FHIP2A: variants seen among roughly 807,000 people sequenced by gnomAD.
FHIP2A encodes the protein FHF complex subunit HOOK interacting protein 2A, also known as family with sequence similarity 160 member B1.
In FHIP2A, 46 loss-of-function variants were observed where a neutral mutation model predicts 93.5. That is an observed-to-expected ratio of 0.49 (90% CI 0.39 to 0.63). The LOEUF is 0.63. Among genes scored for constraint, FHIP2A ranks in the 20% least tolerant of loss-of-function variants. The pLI is 0.00. For missense variants in FHIP2A, 769 were observed against 909.7 expected, an observed-to-expected ratio of 0.85 and a Z score of 1.99; for synonymous variants, 332 against 326.5, an observed-to-expected ratio of 1.02 and a Z score of -0.18.
Position 114,846,703 on chromosome 10 carries a change from G to A in FHIP2A, c.1543G>A (p.Glu515Lys), listed in dbSNP as rs117779504. Residue 515 changes from glutamate to lysine, a missense_variant, in exon 11 of 17, where the codon GAA (glutamate) becomes AAA (lysine). Glu to Lys is a moderately conservative substitution (Grantham distance 56). Transcript: ENST00000369248. ...PLCPEDKDVV[E>K]NGLIAGAVDL... ...GTGCCCAGAAGATAAAGATGTGGTAGAAAATGGATTGATAGCAGGAGCAGT... is the reference window on the plus strand; with the variant it reads ...GTGCCCAGAAGATAAAGATGTGGTAAAAAATGGATTGATAGCAGGAGCAGT... The A allele has an allele frequency of 2.8e-5, 45 of 1,603,372 alleles. No individual in the cohort carries two copies. Among genetic ancestry groups the A allele is most frequent in the Non-Finnish European group, 3.8e-5 (45 of 1,177,342 alleles).
chr10:114,857,938 A>G (rs1054817405), intron 14 of FHIP2A, among the ~76,000 whole-genome samples: 4 of 152,236 alleles, frequency 2.6e-5, no homozygotes, highest in Non-Finnish European at 4.4e-5. Flanking sequence ...AAGGAGGCCA[A>G]ATCTTGTCCC....
chr10:114,882,188 C>G (rs949120083), intron 16 of FHIP2A, among the ~76,000 whole-genome samples: 9 of 152,218 alleles, frequency 5.9e-5, no homozygotes, highest in African/African-American at 2.2e-4. Flanking sequence ...TGTTGCTCAC[C>G]TCCAGAAGCT....
chr10:114,892,700 A>G (rs1357837317), intron 16 of FHIP2A, among the ~76,000 whole-genome samples: 1 of 152,160 alleles, frequency 6.6e-6, no homozygotes, highest in Non-Finnish European at 1.5e-5. Context: ...TTAGGATTGA[A>G]CAAAATAAGG....
At chr10:114,871,460 G>A (rs1285219671) in intron 16 of FHIP2A, among the ~76,000 whole-genome samples, 2 of 152,092 alleles carry the variant, frequency 1.3e-5, no homozygotes, top group South Asian at 4.1e-4. Flanking sequence ...TGCAACCCCA[G>A]CCTCTTCCCT....
intron 14 of FHIP2A, among the ~76,000 whole-genome samples, chr10:114,856,055 C>G (rs1210537925): frequency 6.6e-6 from 1 of 152,156 alleles, no homozygotes; most frequent in African/African-American, 2.4e-5. Context: ...AGTGTGGAAA[C>G]TGAGTGGACC....
At chr10:114,844,631 A>G (rs566322519) in intron 7 of FHIP2A, among the ~76,000 whole-genome samples, 5 of 152,158 alleles carry the variant, frequency 3.3e-5, no homozygotes, top group African/African-American at 4.8e-5. Context: ...TCCACTCGCT[A>G]TTTCTGTTTG....
At chr10:114,894,878 G>T (rs1391777117) in intron 16 of FHIP2A, among the ~76,000 whole-genome samples, 1 of 152,120 alleles carries the variant, frequency 6.6e-6, no homozygotes, top group Non-Finnish European at 1.5e-5. Flanking sequence ...TCTTTATTTT[G>T]GAGGAGAGAG....
intron 13 of FHIP2A, among the ~76,000 whole-genome samples, chr10:114,854,101 T>A (rs2143012444): frequency 6.6e-6 from 1 of 152,256 alleles, no homozygotes; most frequent in East Asian, 1.9e-4. Flanking sequence ...ATATTCACAC[T>A]GTTTCACTGA....
rs1027527460 is a variant in FHIP2A at position 114,833,225 on chromosome 10, T to A, written c.125-8T>A. 1.3e-6 allele frequency: 2 copies of A among 1,589,310 alleles called. No individual in the cohort carries two copies. Among genetic ancestry groups the A allele is most frequent in the Admixed American group, 1.8e-5 (1 of 54,794 alleles). On this transcript the variant is annotated splice_polypyrimidine_tract_variant and splice_region_variant and intron_variant, in intron 2 of 16. Transcript: ENST00000369248. ...TTAAATATTTGATGAATGTTTTTTA[T>A]TGTTTAGATGATAAAGCCCCAGTGA... is the stretch of plus-strand genomic sequence containing the variant.
In FHIP2A at chr10:114,822,061, C is replaced by G. The variant is rs998561187; in HGVS notation, c.-18C>G. ...CTCCAGGTCGTCCCGGGAGAGGCTG[C>G]TGCAGTCCCGGGACAGGATGTTCTC... On this transcript the variant is annotated 5_prime_UTR_variant, in exon 1 of 17. Transcript: ENST00000369248. The G allele has an allele frequency of 7.7e-7, 1 of 1,301,080 alleles. No individual in the cohort carries two copies. Among genetic ancestry groups the G allele is most frequent in the East Asian group, 3.3e-5 (1 of 29,956 alleles). The allele number at this position is 1,301,080 out of a possible 1,614,324, so 80.6% of individuals were successfully genotyped here. A position where few individuals can be genotyped will look rare whatever the true frequency, so the allele number is the denominator to read the frequency against.
In FHIP2A at chr10:114,863,693, G is replaced by A. The variant is rs1234703999; in HGVS notation, c.*2153G>A. ...GAAGCTCTCACAGTGAGTTCAATTT[G>A]TTAGTGAAACATTGTACTGCATCAC... is the stretch of plus-strand genomic sequence containing the variant. On this transcript the variant is annotated 3_prime_UTR_variant, in exon 17 of 17. Coordinates refer to ENST00000369248, the MANE Select transcript of FHIP2A (RefSeq NM_020940.4). 2 of 1,302,260 alleles carry A rather than the reference G, an allele frequency of 1.5e-6. No individual in the cohort carries two copies. Among genetic ancestry groups the A allele is most frequent in the Admixed American group, 2.3e-5 (1 of 43,134 alleles). 80.7% of individuals were successfully genotyped at this position (1,302,260 alleles called of 1,614,324 possible). A position where few individuals can be genotyped will look rare whatever the true frequency, so the allele number is the denominator to read the frequency against.
At chr10:114,884,085 G>A (rs10885622) in intron 16 of FHIP2A, among the ~76,000 whole-genome samples, 62,357 of 151,896 alleles carry the variant, frequency 0.41, 12,946 homozygotes, top group South Asian at 0.48. Flanking sequence ...CTGAAATTGC[G>A]GTGGGGGTTC....
intron 16 of FHIP2A, among the ~76,000 whole-genome samples, chr10:114,886,894 G>A (rs1044655492): frequency 6.6e-6 from 1 of 152,084 alleles, no homozygotes; most frequent in Non-Finnish European, 1.5e-5. Context: ...AAGTAGCTGG[G>A]ATTACACTTG....
At chr10:114,873,949 G>A (rs1275904554) in intron 16 of FHIP2A, among the ~76,000 whole-genome samples, 2 of 116,902 alleles carry the variant, frequency 1.7e-5, no homozygotes, top group Admixed American at 1.8e-4. Context: ...ATTCAGGAGG[G>A]GGAAAAAAAA....
chr10:114,899,694 C>T, exon 17 of FHIP2A: 2 of 526,360 alleles, frequency 3.8e-6, no homozygotes, highest in South Asian at 6.1e-5. Flanking sequence ...TTGGCTTGAC[C>T]AGGCTCATCC....
chr10:114,833,584 A>AT, intron 3 of FHIP2A, 182 bp downstream of exon 3: 1 of 541,166 alleles, frequency 1.8e-6, no homozygotes, highest in Non-Finnish European at 3.2e-6. Flanking sequence ...AGATAGAAAG[A>AT]TTCCAAACAC....
intron 14 of FHIP2A, among the ~76,000 whole-genome samples, chr10:114,856,455 A>G (rs1166336924): frequency 6.6e-6 from 1 of 152,070 alleles, no homozygotes; most frequent in Non-Finnish European, 1.5e-5. Flanking sequence ...AGGATGCATC[A>G]GTTTATTGTG....
At chr10:114,879,009 A>G (rs1398142098) in intron 16 of FHIP2A, among the ~76,000 whole-genome samples, 1 of 152,274 alleles carries the variant, frequency 6.6e-6, no homozygotes, top group East Asian at 1.9e-4. Flanking sequence ...TATTTGCTAC[A>G]TTTTTACAGA....
At position 114,863,149 on chromosome 10, in the gene FHIP2A, T is replaced by G. The variant is rs541939667; in HGVS notation, c.*1609T>G. 3.1e-6 allele frequency: 3 copies of G among 978,950 alleles called. No homozygotes were observed. The highest frequency in any genetic ancestry group is 6.2e-5 in the Admixed American group (1 of 16,256). 60.6% of individuals were successfully genotyped at this position (978,950 alleles called of 1,614,324 possible). A position where few individuals can be genotyped will look rare whatever the true frequency, so the allele number is the denominator to read the frequency against. ...TCTTTGTTAGCTTATTCTAAGAAATTTATTAAGTAAAACAAAGAAAAAACA... is the reference window on the plus strand; with the variant it reads ...TCTTTGTTAGCTTATTCTAAGAAATGTATTAAGTAAAACAAAGAAAAAACA... On this transcript the variant is annotated 3_prime_UTR_variant, in exon 17 of 17. Transcript: ENST00000369248.
Sources: gnomAD v4.1 joint callset for allele counts (sites outside exome capture counted in the v4.1 genomes callset) on GRCh38, gnomAD v4.1.1 for gene constraint, MANE v1.5 for transcripts, NCBI Gene and HGNC (gene_info 2026-07-23, HGNC 2026-07-21) for gene names.